The following UBE3C variants were observed in gnomAD, a reference collection of about 807,000 sequenced individuals.
UBE3C encodes the protein ubiquitin protein ligase E3C, also known as ubiquitin-protein ligase E3C.
UBE3C carries 42 observed loss-of-function variants against 129.4 expected under a neutral mutation model. The observed-to-expected ratio is 0.32, with a 90% CI of 0.25 to 0.42. UBE3C has a LOEUF of 0.42. UBE3C is among the 10% of genes least tolerant of loss of function. UBE3C has a pLI of 1.00. For missense variants in UBE3C, 1,049 were observed against 1,319.1 expected (o/e 0.80, Z 3.17); for synonymous variants, 510 against 492.4 (o/e 1.04, Z -0.47).
rs1377503981 is a variant in UBE3C, at chr7:157,225,508, A to G, written c.2202A>G (p.Glu734=). ...NVTIRRNYIY[E]DAYDKLSPEN... ...CAATAAGAAGAAATTACATTTATGA[A>G]GATGCTTATGACAAACTTTCTCCAG... The change falls in exon 17 of 23, where the codon GAA becomes GAG. Residue 734 remains glutamate (E), a synonymous_variant. Transcript: ENST00000348165. The G allele has an allele frequency of 5.0e-6, 8 of 1,598,110 alleles. No individual in the cohort carries two copies. Among genetic ancestry groups the G allele is most frequent in the Non-Finnish European group, 6.8e-6 (8 of 1,175,912 alleles).
intron 10 of UBE3C, chr7:157,192,711 C>T: frequency 1.2e-6 from 1 of 812,778 alleles, no homozygotes; most frequent in South Asian, 1.3e-5. Context: ...AATGAGCTGC[C>T]TTCGTCGAGA....
At chr7:157,210,050 G>A (rs558091722) in intron 13 of UBE3C, among the ~76,000 whole-genome samples, 14 of 152,162 alleles carry the variant, frequency 9.2e-5, no homozygotes, top group East Asian at 1.9e-4. Context: ...CGTGATGTAC[G>A]CCTGTAATCC....
chr7:157,229,023 T>C (rs948175812), intron 17 of UBE3C, among the ~76,000 whole-genome samples: 42 of 152,282 alleles, frequency 2.8e-4, no homozygotes, highest in African/African-American at 8.9e-4. Context: ...AGGGCAGATA[T>C]GTTTGGGTGA....
intron 19 of UBE3C, 21 bp from the exon 20 acceptor site, chr7:157,253,933 C>G: frequency 6.4e-7 from 1 of 1,552,690 alleles, no homozygotes. Context: ...ATTTTGAGAT[C>G]CTTACGTTTT....
chr7:157,214,103 C>A (rs1481298751), intron 13 of UBE3C, among the ~76,000 whole-genome samples: 1 of 152,102 alleles, frequency 6.6e-6, no homozygotes, highest in Non-Finnish European at 1.5e-5. Flanking sequence ...CTCCTTTCTC[C>A]CCATCTCCCT....
At chr7:157,189,686 C>A (rs920372830) in intron 10 of UBE3C, among the ~76,000 whole-genome samples, 3 of 152,216 alleles carry the variant, frequency 2.0e-5, no homozygotes, top group African/African-American at 7.2e-5. Flanking sequence ...CGGCTTCTTT[C>A]ATAGATACCA....
At chr7:157,196,710 T>C (rs922136752) in intron 10 of UBE3C, among the ~76,000 whole-genome samples, 1 of 152,042 alleles carries the variant, frequency 6.6e-6, no homozygotes, top group Non-Finnish European at 1.5e-5. Context: ...GGCTCACGCC[T>C]ATAATCCCAG....
rs1173730075 is a variant in UBE3C, at chr7:157,156,300, C to CTTT, written c.67-7488_67-7486dup. On this transcript the variant is annotated intron_variant, in intron 1 of 22. Transcript: ENST00000348165. ...ACCTCCACTCCTCACACCCCCAGTT[C>CTTT]TTTTTTTTTTTTTTTTTTTTTTTTG... Among the ~76,000 whole-genome samples the CTTT allele has an allele frequency of 3.9e-3, 334 of 85,868 alleles. 3 individuals are homozygous for CTTT. The highest frequency in any genetic ancestry group is 4.6e-3 in the Non-Finnish European group (214 of 46,030). 56.3% of individuals were successfully genotyped at this position (85,868 alleles called of 152,430 possible).
At chr7:157,148,564 T>C (rs1807669260) in intron 1 of UBE3C, among the ~76,000 whole-genome samples, 1 of 152,178 alleles carries the variant, frequency 6.6e-6, no homozygotes, top group South Asian at 2.1e-4. Context: ...AGGGATTACC[T>C]AGAATATTTT....
In UBE3C at chr7:157,165,560, G is replaced by C. The variant is rs561531681; in HGVS notation, c.120+1697G>C. Among the ~76,000 whole-genome samples the C allele has an allele frequency of 2.2e-3, 341 of 152,104 alleles. 1 individual carries two copies. The highest frequency in any genetic ancestry group is 7.6e-3 in the African/African-American group (314 of 41,484). On this transcript the variant is annotated intron_variant, in intron 2 of 22. Transcript: ENST00000348165. ...CTACAGGTGCACGCCACCGCACCCA[G>C]CTAATTTTTTGTATTTTTAGTAGAG...
chr7:157,150,976 G>C (rs1470491083), intron 1 of UBE3C, among the ~76,000 whole-genome samples: 2 of 152,224 alleles, frequency 1.3e-5, no homozygotes, highest in South Asian at 2.1e-4. Flanking sequence ...TCGGCCGCTT[G>C]CGGGGCTTCT....
intron 10 of UBE3C, among the ~76,000 whole-genome samples, chr7:157,193,199 A>G (rs192822953): frequency 6.3e-4 from 96 of 152,296 alleles, no homozygotes; most frequent in African/African-American, 2.2e-3. Flanking sequence ...TGAATCTTGC[A>G]TTATCTGATG....
chr7:157,183,021 A>T (rs1808709896), intron 8 of UBE3C, among the ~76,000 whole-genome samples: 1 of 152,202 alleles, frequency 6.6e-6, no homozygotes, highest in Admixed American at 6.5e-5. Context: ...TGCTGGGATT[A>T]CAGGCTTGAG....
chr7:157,146,716 G>A (rs980171430), intron 1 of UBE3C, among the ~76,000 whole-genome samples: 6 of 152,088 alleles, frequency 3.9e-5, no homozygotes, highest in African/African-American at 1.4e-4. Context: ...GTGCAGTGTT[G>A]TGACCTCGGC....
chr7:157,164,040 G>T (rs1808146958), intron 2 of UBE3C, among the ~76,000 whole-genome samples, 177 bp downstream of exon 2: 1 of 152,078 alleles, frequency 6.6e-6, no homozygotes, highest in Non-Finnish European at 1.5e-5. Flanking sequence ...GAAAGAGATG[G>T]ACTAAAAGGG....
chr7:157,201,228 A>G (rs1277735488), intron 10 of UBE3C, among the ~76,000 whole-genome samples: 1 of 152,038 alleles, frequency 6.6e-6, no homozygotes, highest in African/African-American at 2.4e-5. Flanking sequence ...GGATGCTGAG[A>G]CAGGAGAACC....
chr7:157,208,287 G>C (rs1809496477), intron 13 of UBE3C, among the ~76,000 whole-genome samples: 1 of 151,798 alleles, frequency 6.6e-6, no homozygotes. Flanking sequence ...TGTTACCCAG[G>C]CTGGTCTCAA....
chr7:157,189,017 G>T, intron 10 of UBE3C: 1 of 550,626 alleles, frequency 1.8e-6, no homozygotes, highest in South Asian at 2.7e-5. Context: ...ATGCGTACAT[G>T]AAAACCGGGA....
chr7:157,146,033 T>A (rs890469182), intron 1 of UBE3C, among the ~76,000 whole-genome samples: 6 of 152,248 alleles, frequency 3.9e-5, no homozygotes. Context: ...AGTAGTTTTA[T>A]AATTTTGTAT....
Sources: allele counts gnomAD v4.1 joint callset (sites outside exome capture counted in the v4.1 genomes callset), GRCh38; gene constraint gnomAD v4.1.1; transcripts MANE v1.5; gene names NCBI Gene and HGNC (gene_info 2026-07-23, HGNC 2026-07-21).